Variants in EYS observed in about 807,000 individuals in gnomAD.
EYS encodes EGF-like photoreceptor maintenance factor.
Under a neutral mutation model 282.1 loss-of-function variants are expected in EYS, and 250 were observed. The observed-to-expected ratio is 0.89, with a 90% CI of 0.80 to 0.98. EYS has a LOEUF of 0.98. EYS is among the 50% of genes least tolerant of loss of function. EYS has a pLI of 0.00. For synonymous variants in EYS, 1,355 were observed against 1,282.9 expected, an observed-to-expected ratio of 1.06 and a Z score of -1.20; for missense variants, 4,016 against 3,709.0, an observed-to-expected ratio of 1.08 and a Z score of -2.15.
chr6:64,945,928 A>G lies in EYS; in HGVS notation c.2260-14T>C, dbSNP rs761931220. 1 of 1,535,266 alleles carries G rather than the reference A, an allele frequency of 6.5e-7. No individual in the cohort carries two copies. The highest frequency in any genetic ancestry group is 8.8e-7 in the Non-Finnish European group (1 of 1,136,400). On this transcript the variant is annotated splice_polypyrimidine_tract_variant and intron_variant, in intron 14 of 42. Coordinates refer to ENST00000503581, the MANE Select transcript of EYS (RefSeq NM_001142800.2). ...ACACTGGTAGCTCTAAGAGAATATG[A>G]AATTATATATTTTTAGGCTATTTCT... is the stretch of plus-strand genomic sequence containing the variant.
rs543011021 is a variant in EYS at position 65,495,005 on chromosome 6, C to A, written c.406G>T (p.Val136Phe). ...FGCRLKGMHTVNSKWLSVGTH... is the reference protein window; with the variant it reads ...FGCRLKGMHTFNSKWLSVGTH... The stretch of plus-strand genomic sequence containing the variant: ...CCAACACTCAGCCACTTAGAATTAA[C>A]AGTGTGCATTCCTTTTAGTCTGCAG... The change falls in exon 4 of 43, where the codon GTT becomes TTT. Residue 136 changes from valine (V) to phenylalanine (F), a missense_variant. Coordinates refer to ENST00000503581, the MANE Select transcript of EYS (RefSeq NM_001142800.2). 2.3e-5 allele frequency: 37 copies of A among 1,614,062 alleles called. No individual in the cohort carries two copies. In the Admixed American group the frequency reaches 3.0e-4, roughly 13 times the overall value.
chr6:64,228,868 A>G (rs922436477), intron 31 of EYS, among the ~76,000 whole-genome samples: 1 of 152,132 alleles, frequency 6.6e-6, no homozygotes, highest in African/African-American at 2.4e-5. Context: ...TACTAGGTAA[A>G]GAGTTAAAGG....
chr6:65,347,375 A>G (rs1461878769), intron 9 of EYS, among the ~76,000 whole-genome samples: 1 of 151,750 alleles, frequency 6.6e-6, no homozygotes, highest in South Asian at 2.1e-4. Context: ...TTTCTAAGTT[A>G]TTGATATATT....
chr6:64,694,972 T>G (rs1770524239), intron 22 of EYS, among the ~76,000 whole-genome samples: 1 of 152,106 alleles, frequency 6.6e-6, no homozygotes, highest in African/African-American at 2.4e-5. Context: ...TACCACCTGC[T>G]AGTCTCTGGA....
intron 2 of EYS, among the ~76,000 whole-genome samples, chr6:65,636,627 T>G (rs1767098966): frequency 6.6e-6 from 1 of 152,120 alleles, no homozygotes; most frequent in Admixed American, 6.5e-5. Flanking sequence ...GCATAAAAGA[T>G]TATCCACTTC....
intron 2 of EYS, among the ~76,000 whole-genome samples, chr6:65,518,666 A>G (rs1767231416): frequency 6.6e-6 from 1 of 152,206 alleles, no homozygotes; most frequent in Admixed American, 6.5e-5. Context: ...TATAGCAATA[A>G]GTGTATATTA....
At chr6:64,346,874 C>A (rs112528422) in intron 29 of EYS, among the ~76,000 whole-genome samples, 1 of 151,330 alleles carries the variant, frequency 6.6e-6, no homozygotes, top group Non-Finnish European at 1.5e-5. Context: ...AAAACCTACA[C>A]TTCTAAATTT....
chr6:65,103,699 T>C (rs561042790), intron 12 of EYS, among the ~76,000 whole-genome samples: 2 of 151,648 alleles, frequency 1.3e-5, no homozygotes, highest in Admixed American at 6.6e-5. Context: ...TCCCATTAGA[T>C]CTTTTTTCCA....
chr6:64,623,969 G>A (rs1190505143), intron 23 of EYS, among the ~76,000 whole-genome samples: 1 of 152,134 alleles, frequency 6.6e-6, no homozygotes, highest in Non-Finnish European at 1.5e-5. Context: ...ATGATTAAGA[G>A]CTATGGCTGG....
At chr6:65,632,660 C>T (rs1766956745) in intron 2 of EYS, among the ~76,000 whole-genome samples, 1 of 152,156 alleles carries the variant, frequency 6.6e-6, no homozygotes, top group Non-Finnish European at 1.5e-5. Context: ...AATATGCATT[C>T]TGAACAGTGT....
rs138159694 is a variant in EYS, at chr6:64,445,394, A to T, written c.5645-6042T>A. Among the ~76,000 whole-genome samples, 70 of 152,330 alleles carry T rather than the reference A, an allele frequency of 4.6e-4. 1 individual carries two copies. The highest frequency in any genetic ancestry group is 1.4e-3 in the African/African-American group (60 of 41,588). ...CTAGAATTAAATAATAAACTTCTGC[A>T]CTTAAGTTTTTACCTTCCTAAATAG... On this transcript the variant is annotated intron_variant, in intron 26 of 42. Transcript: ENST00000503581.
intron 12 of EYS, among the ~76,000 whole-genome samples, chr6:65,261,959 G>A (rs538091437): frequency 1.3e-5 from 2 of 151,922 alleles, no homozygotes; most frequent in East Asian, 1.9e-4. Context: ...TTATGGACAC[G>A]TTCCTCTTAG....
chr6:63,945,213 C>T (rs544756683), intron 35 of EYS, among the ~76,000 whole-genome samples: 23 of 152,072 alleles, frequency 1.5e-4, no homozygotes, highest in South Asian at 4.2e-4. Flanking sequence ...CTTACATTCA[C>T]GGTGGAAGGG....
At chr6:64,568,290 G>C (rs1477967739) in intron 26 of EYS, among the ~76,000 whole-genome samples, 1 of 152,140 alleles carries the variant, frequency 6.6e-6, no homozygotes, top group Non-Finnish European at 1.5e-5. Context: ...ACCCATGATG[G>C]ACAAGAAGGC....
intron 19 of EYS, among the ~76,000 whole-genome samples, chr6:64,833,927 C>T (rs1212729922): frequency 6.6e-6 from 1 of 151,856 alleles, no homozygotes; most frequent in Non-Finnish European, 1.5e-5. Flanking sequence ...ACAACTCTAC[C>T]AAGTAACTGG....
chr6:65,698,841 A>G (rs1029584744), intron 1 of EYS, among the ~76,000 whole-genome samples: 1 of 152,226 alleles, frequency 6.6e-6, no homozygotes, highest in Non-Finnish European at 1.5e-5. Flanking sequence ...CACAGAAACC[A>G]TTAAACATGG....
chr6:65,143,856 C>G (rs572454545), intron 12 of EYS, among the ~76,000 whole-genome samples: 1 of 152,066 alleles, frequency 6.6e-6, no homozygotes, highest in Non-Finnish European at 1.5e-5. Context: ...CTGCCTACAG[C>G]AAGTAGTCAT....
intron 22 of EYS, among the ~76,000 whole-genome samples, chr6:64,728,080 T>C (rs1024519245): frequency 3.3e-5 from 5 of 152,098 alleles, no homozygotes; most frequent in Non-Finnish European, 7.4e-5. Flanking sequence ...TCTCACTGCA[T>C]TCCACCCCTT....
At chr6:65,569,094 C>T (rs2127350933) in intron 2 of EYS, among the ~76,000 whole-genome samples, 1 of 152,296 alleles carries the variant, frequency 6.6e-6, no homozygotes, top group African/African-American at 2.4e-5. Flanking sequence ...CCTGAAGTAA[C>T]TAAAGAATGA....
Sources: allele counts gnomAD v4.1 joint callset (sites outside exome capture counted in the v4.1 genomes callset), GRCh38; gene constraint gnomAD v4.1.1; transcripts MANE v1.5; gene names NCBI Gene and HGNC (gene_info 2026-07-23, HGNC 2026-07-21).